Variants in SLC44A5 observed in about 807,000 individuals in gnomAD.
SLC44A5 encodes solute carrier family 44 member 5.
In SLC44A5, 57 loss-of-function variants were observed where a neutral mutation model predicts 101.8. The observed-to-expected ratio is 0.56, with a 90% CI of 0.45 to 0.70. The LOEUF (loss-of-function observed/expected upper bound fraction) is 0.70, where lower values mean the gene tolerates loss of function less well. Among genes scored for constraint, SLC44A5 ranks in the 30% least tolerant of loss-of-function variants. The pLI, the probability that SLC44A5 is intolerant of heterozygous loss-of-function variation, is 0.00. For missense variants in SLC44A5, 737 were observed against 853.1 expected, an observed-to-expected ratio of 0.86 and a Z score of 1.70; for synonymous variants, 281 against 290.9, an observed-to-expected ratio of 0.97 and a Z score of 0.35.
chr1:75,580,799 C>T (rs924418895), intron 1 of SLC44A5, among the ~76,000 whole-genome samples: 1 of 147,706 alleles, frequency 6.8e-6, no homozygotes, highest in African/African-American at 2.5e-5. Flanking sequence ...GATCAAGCCA[C>T]TGCACTCCAG....
intron 4 of SLC44A5, among the ~76,000 whole-genome samples, chr1:75,327,390 GAAGTTTAAATC>G (rs1291589163): frequency 4.6e-5 from 7 of 152,152 alleles, no homozygotes; most frequent in Non-Finnish European, 1.0e-4. Context: ...TATGTGTTGG[GAAGTTTAAATC>G]TAATTTTATC....
intron 6 of SLC44A5, among the ~76,000 whole-genome samples, chr1:75,259,817 C>A (rs1373414883): frequency 6.6e-6 from 1 of 152,148 alleles, no homozygotes; most frequent in East Asian, 1.9e-4. Context: ...GCCCATCAGA[C>A]AAACAGCAGA....
intron 2 of SLC44A5, among the ~76,000 whole-genome samples, chr1:75,403,269 CT>C (rs948658519): frequency 1.8e-4 from 27 of 152,324 alleles, no homozygotes; most frequent in Middle Eastern, 3.4e-3. Context: ...GCGGGCGCAG[CT>C]TCAGCAGACT....
chr1:75,520,499 T>C (rs1670055759), intron 2 of SLC44A5, among the ~76,000 whole-genome samples: 1 of 151,800 alleles, frequency 6.6e-6, no homozygotes, highest in African/African-American at 2.4e-5. Flanking sequence ...AATGGGGGCA[T>C]GAACAGAAGG....
chr1:75,329,524 C>T (rs1367594175), intron 4 of SLC44A5, among the ~76,000 whole-genome samples: 1 of 151,862 alleles, frequency 6.6e-6, no homozygotes, highest in Non-Finnish European at 1.5e-5. Flanking sequence ...TTTAGCAAGT[C>T]ATTCATTTTT....
At chr1:75,253,218 G>A (rs998330901) in intron 6 of SLC44A5, among the ~76,000 whole-genome samples, 7 of 152,174 alleles carry the variant, frequency 4.6e-5, no homozygotes, top group Non-Finnish European at 1.0e-4. Context: ...CAGAAAGGAA[G>A]AGAGGAGACA....
intron 2 of SLC44A5, among the ~76,000 whole-genome samples, chr1:75,397,242 T>C (rs1333013514): frequency 1.3e-5 from 2 of 152,144 alleles, no homozygotes; most frequent in Non-Finnish European, 2.9e-5. Context: ...GCACGTGCCA[T>C]AATGAACAAT....
chr1:75,322,784 A>T (rs979848402), intron 4 of SLC44A5, among the ~76,000 whole-genome samples: 2 of 152,196 alleles, frequency 1.3e-5, no homozygotes, highest in African/African-American at 4.8e-5. Context: ...TTGGAGAAAT[A>T]CAGGAGAAAG....
At chr1:75,589,698 C>A (rs1674235966) in intron 1 of SLC44A5, among the ~76,000 whole-genome samples, 1 of 152,088 alleles carries the variant, frequency 6.6e-6, no homozygotes, top group Non-Finnish European at 1.5e-5. Flanking sequence ...CCAATGCCAC[C>A]CTGCCCCCAC....
intron 2 of SLC44A5, among the ~76,000 whole-genome samples, chr1:75,398,005 A>G (rs547911555): frequency 6.6e-6 from 1 of 152,268 alleles, no homozygotes; most frequent in East Asian, 1.9e-4. Context: ...TGCCCAAAAT[A>G]TAAAATGGCC....
chr1:75,479,078 G>C (rs956725563), intron 2 of SLC44A5, among the ~76,000 whole-genome samples: 5 of 152,154 alleles, frequency 3.3e-5, no homozygotes, highest in African/African-American at 4.8e-5. Flanking sequence ...AATCAAACTA[G>C]AACTCAGGAT....
intron 5 of SLC44A5, among the ~76,000 whole-genome samples, chr1:75,281,646 C>A (rs996591259): frequency 9.0e-6 from 1 of 111,134 alleles, no homozygotes; most frequent in Admixed American, 8.7e-5. Flanking sequence ...GCCCCCCCCC[C>A]CCCCCGCTGC....
upstream of SLC44A5, among the ~76,000 whole-genome samples, chr1:75,614,327 C>T (rs1675776593): frequency 6.6e-6 from 1 of 152,184 alleles, no homozygotes; most frequent in Admixed American, 6.5e-5. Flanking sequence ...TAAAGCCCCT[C>T]TAATTTTACA....
chr1:75,511,060 G>T (rs1357470811), intron 2 of SLC44A5, among the ~76,000 whole-genome samples: 1 of 152,054 alleles, frequency 6.6e-6, no homozygotes, highest in African/African-American at 2.4e-5. Context: ...GGAGAATGAC[G>T]TGAACCTGGG....
chr1:75,613,922 T>A (rs1242465604), upstream of SLC44A5, among the ~76,000 whole-genome samples: 1 of 152,240 alleles, frequency 6.6e-6, no homozygotes, highest in East Asian at 1.9e-4. Flanking sequence ...TAATTGTATC[T>A]TTTTGTGCTT....
intron 3 of SLC44A5, among the ~76,000 whole-genome samples, chr1:75,384,623 C>T (rs1263653472): frequency 9.1e-6 from 1 of 110,178 alleles, no homozygotes; most frequent in Non-Finnish European, 1.8e-5. Flanking sequence ...CTTTAACACC[C>T]CACTGTCAAC....
intron 4 of SLC44A5, among the ~76,000 whole-genome samples, chr1:75,315,599 G>A (rs1655630276): frequency 6.6e-6 from 1 of 152,056 alleles, no homozygotes; most frequent in African/African-American, 2.4e-5. Context: ...GTGTCTTAAT[G>A]TTTGCCTAAA....
At chr1:75,682,252 T>G in the SLC44A5 span, among the ~76,000 whole-genome samples, 1 of 152,114 alleles carries the variant, frequency 6.6e-6, no homozygotes, top group Non-Finnish European at 1.5e-5. Flanking sequence ...TGGAAAAAAC[T>G]ACTTTAAAGT....
intron 4 of SLC44A5, among the ~76,000 whole-genome samples, chr1:75,306,200 A>G (rs190837712): frequency 2.4e-4 from 37 of 152,316 alleles, no homozygotes; most frequent in Admixed American, 2.1e-3. Context: ...GTTGCATTAG[A>G]TACCATCTGG....
Sources: gnomAD v4.1 joint callset for allele counts (sites outside exome capture counted in the v4.1 genomes callset) on GRCh38, gnomAD v4.1.1 for gene constraint, MANE v1.5 for transcripts, NCBI Gene and HGNC (gene_info 2026-07-23, HGNC 2026-07-21) for gene names.